AFF3: variants seen among roughly 807,000 people sequenced by gnomAD.
AFF3 encodes the protein ALF transcription elongation factor 3.
In AFF3, 32 loss-of-function variants were observed where a neutral mutation model predicts 129.7. That is an observed-to-expected ratio of 0.25 (90% CI 0.19 to 0.33). The LOEUF is 0.33. AFF3 is among the 10% of genes least tolerant of loss of function. The pLI, the probability that AFF3 is intolerant of heterozygous loss-of-function variation, is 1.00. For missense variants in AFF3, 1,373 were observed against 1,592.0 expected (o/e 0.86, Z 2.34); for synonymous variants, 644 against 635.4 (o/e 1.01, Z -0.20).
chr2:99,986,813 T>C (rs1223726797), intron 7 of AFF3, among the ~76,000 whole-genome samples: 1 of 152,136 alleles, frequency 6.6e-6, no homozygotes, highest in Non-Finnish European at 1.5e-5. Context: ...GGAGTTTAAA[T>C]AGTAGAGCTT....
chr2:99,632,794 G>A (rs1321159460), intron 13 of AFF3, among the ~76,000 whole-genome samples: 4 of 152,178 alleles, frequency 2.6e-5, no homozygotes, highest in South Asian at 2.1e-4. Context: ...GAAGTCTCAC[G>A]TAATTAAAAT....
At chr2:99,651,343 T>C (rs1161554633) in intron 12 of AFF3, among the ~76,000 whole-genome samples, 5 of 152,220 alleles carry the variant, frequency 3.3e-5, no homozygotes, top group East Asian at 3.9e-4. Flanking sequence ...TCAGAAGTCA[T>C]GACTGGGGAG....
intron 1 of AFF3, among the ~76,000 whole-genome samples, chr2:100,135,351 A>C (rs2105600936): frequency 6.6e-6 from 1 of 152,342 alleles, no homozygotes; most frequent in Non-Finnish European, 1.5e-5. Context: ...TTGTCAATAG[A>C]AGACGGGATA....
intron 4 of AFF3, among the ~76,000 whole-genome samples, chr2:100,056,471 T>C (rs1370893843): frequency 6.6e-6 from 1 of 152,202 alleles, no homozygotes; most frequent in Non-Finnish European, 1.5e-5. Context: ...TACAATCTTC[T>C]GGCATCCTAT....
intron 7 of AFF3, among the ~76,000 whole-genome samples, chr2:99,896,067 T>TA (rs1693920166): frequency 1.9e-5 from 1 of 53,992 alleles, no homozygotes; most frequent in Admixed American, 2.4e-4. Context: ...AGACTCCTTC[T>TA]CAAAAAAAAA....
intron 4 of AFF3, among the ~76,000 whole-genome samples, chr2:100,016,815 ATGG>A (rs532866460): frequency 2.1e-5 from 3 of 141,600 alleles, no homozygotes; most frequent in Non-Finnish European, 4.7e-5. Context: ...AGTGATGCTG[ATGG>A]TGGTGGTGGT....
At chr2:99,954,682 G>T (rs867566169) in intron 7 of AFF3, among the ~76,000 whole-genome samples, 2 of 144,918 alleles carry the variant, frequency 1.4e-5, no homozygotes, top group Non-Finnish European at 3.0e-5. Context: ...ACCAAACACC[G>T]CATATTCTCA....
chr2:100,056,059 T>TCACACA (rs747714847), intron 4 of AFF3, among the ~76,000 whole-genome samples: 2,171 of 114,442 alleles, frequency 0.019, 16 homozygotes, highest in East Asian at 0.034. Flanking sequence ...TCGCTGTCTC[T>TCACACA]CTCTCACACA....
At chr2:99,829,427 A>G (rs916130580) in intron 8 of AFF3, among the ~76,000 whole-genome samples, 1 of 152,222 alleles carries the variant, frequency 6.6e-6, no homozygotes, top group African/African-American at 2.4e-5. Flanking sequence ...AAGGAACTGA[A>G]ACGTATTTAC....
chr2:99,578,864 C>G (rs913812508), intron 17 of AFF3, among the ~76,000 whole-genome samples: 1 of 152,206 alleles, frequency 6.6e-6, no homozygotes, highest in African/African-American at 2.4e-5. Context: ...CTGGTGAAAA[C>G]ACAGATTGCC....
chr2:99,861,967 T>C (rs1691032864), intron 7 of AFF3, among the ~76,000 whole-genome samples: 1 of 152,146 alleles, frequency 6.6e-6, no homozygotes, highest in South Asian at 2.1e-4. Context: ...TCTGCCACCT[T>C]TTTTAGGCTT....
At chr2:99,706,061 A>G (rs565004485) in intron 11 of AFF3, among the ~76,000 whole-genome samples, 8 of 152,234 alleles carry the variant, frequency 5.3e-5, no homozygotes, top group African/African-American at 1.9e-4. Context: ...GAGGGGGCCC[A>G]GGAAGCAGCA....
chr2:99,869,903 TC>T (rs1390930326), intron 7 of AFF3, among the ~76,000 whole-genome samples: 1 of 152,204 alleles, frequency 6.6e-6, no homozygotes, highest in Non-Finnish European at 1.5e-5. Context: ...AATTTTATGT[TC>T]AGTGATAGAT....
At chr2:99,781,395 C>T (rs904214708) in intron 8 of AFF3, among the ~76,000 whole-genome samples, 2 of 152,204 alleles carry the variant, frequency 1.3e-5, no homozygotes, top group Non-Finnish European at 2.9e-5. Context: ...ATTATCTCCC[C>T]TTGCTAACAT....
In AFF3 at chr2:99,757,009, T is replaced by C. The variant is rs536849491; in HGVS notation, c.922-4708A>G. 2.0e-5 allele frequency among the ~76,000 whole-genome samples: 3 copies of C among 152,328 alleles called. No individual in the cohort carries two copies. In the East Asian group the frequency reaches 5.8e-4, roughly 29 times the overall value. On this transcript the variant is annotated intron_variant, in intron 8 of 24. Coordinates refer to ENST00000672756, the MANE Select transcript of AFF3 (RefSeq NM_001386135.1). ...ATTTCCTTGAATGCTCATTTCCCCC[T>C]GACTCTCTTCCCCCGTGGCTCCCAC...
At chr2:99,587,352 C>A in intron 15 of AFF3, 74 bp from the exon 16 acceptor site, 1 of 1,578,236 alleles carries the variant, frequency 6.3e-7, no homozygotes, top group Admixed American at 1.7e-5. Flanking sequence ...CACCGACTTC[C>A]ACAGAGCAAG....
chr2:99,578,318 TG>T lies in AFF3; in HGVS notation c.2918+8del. 2 of 1,593,854 alleles carry T rather than the reference TG, an allele frequency of 1.3e-6. No individual in the cohort carries two copies. Among genetic ancestry groups the T allele is most frequent in the Non-Finnish European group, 1.7e-6 (2 of 1,172,894 alleles). On this transcript the variant is annotated splice_region_variant and intron_variant, in intron 18 of 24. Coordinates refer to ENST00000672756, the MANE Select transcript of AFF3 (RefSeq NM_001386135.1). ...GCCCCTCACCACATTTAAAAGCGTC[TG>T]AACTTACATATCATCGAAGACAAGT...
chr2:100,029,801 A>C (rs112852155), intron 4 of AFF3, among the ~76,000 whole-genome samples: 10 of 152,350 alleles, frequency 6.6e-5, no homozygotes, highest in African/African-American at 2.4e-4. Context: ...ACAGTGGCTC[A>C]TGCCTGTAAT....
chr2:99,920,035 A>C (rs892024249), intron 7 of AFF3, among the ~76,000 whole-genome samples: 4 of 152,112 alleles, frequency 2.6e-5, no homozygotes, highest in Non-Finnish European at 5.9e-5. Flanking sequence ...AGAAAATCTA[A>C]ATAACTCTAT....
Sources: allele counts gnomAD v4.1 joint callset (sites outside exome capture counted in the v4.1 genomes callset), GRCh38; gene constraint gnomAD v4.1.1; transcripts MANE v1.5; gene names NCBI Gene and HGNC (gene_info 2026-07-23, HGNC 2026-07-21).